Variants in RCSD1 observed in about 807,000 individuals in gnomAD.
The protein encoded by RCSD1 is RCSD domain containing 1.
In RCSD1, 26 loss-of-function variants were observed where a neutral mutation model predicts 42.5. That is an observed-to-expected ratio of 0.61 (90% CI 0.45 to 0.85). The LOEUF is 0.85. Among genes scored for constraint, RCSD1 ranks in the 40% least tolerant of loss-of-function variants. The pLI, the probability that RCSD1 is intolerant of heterozygous loss-of-function variation, is 0.00. For synonymous variants in RCSD1, 220 were observed against 212.2 expected (o/e 1.04, Z -0.32); for missense variants, 571 against 528.3 (o/e 1.08, Z -0.79).
intron 1 of RCSD1, chr1:167,640,458 T>A (rs2102197660): frequency 6.6e-6 from 1 of 152,364 alleles, no homozygotes; most frequent in South Asian, 2.1e-4. Flanking sequence ...CAGGATGATC[T>A]CTTCATCTCA....
intron 2 of RCSD1, among the ~76,000 whole-genome samples, chr1:167,684,894 A>C (rs1659186727): frequency 6.6e-6 from 1 of 152,114 alleles, no homozygotes; most frequent in Non-Finnish European, 1.5e-5. Flanking sequence ...AAATACAAAC[A>C]AGTGAGATGA....
At chr1:167,692,258 G>A (rs978630638) in intron 4 of RCSD1, among the ~76,000 whole-genome samples, 1 of 152,178 alleles carries the variant, frequency 6.6e-6, no homozygotes, top group African/African-American at 2.4e-5. Context: ...CTATTCTACT[G>A]AATGAATTAT....
At chr1:167,660,760 C>A (rs188999283) in intron 1 of RCSD1, among the ~76,000 whole-genome samples, 1 of 152,100 alleles carries the variant, frequency 6.6e-6, no homozygotes, top group East Asian at 1.9e-4. Context: ...AGGTGTGAGC[C>A]GCCGTGCCCA....
chr1:167,661,075 A>G (rs913006297), intron 1 of RCSD1, among the ~76,000 whole-genome samples: 2 of 152,172 alleles, frequency 1.3e-5, no homozygotes, highest in African/African-American at 4.8e-5. Flanking sequence ...GCCCCTAACC[A>G]CATTAAGTAA....
chr1:167,644,312 T>C (rs1658077118), intron 1 of RCSD1, among the ~76,000 whole-genome samples: 1 of 152,052 alleles, frequency 6.6e-6, no homozygotes, highest in East Asian at 1.9e-4. Context: ...AAACCCTTTC[T>C]CTACTGAAAA....
intron 1 of RCSD1, among the ~76,000 whole-genome samples, chr1:167,648,004 T>A (rs893701043): frequency 6.6e-6 from 1 of 152,180 alleles, no homozygotes; most frequent in Non-Finnish European, 1.5e-5. Flanking sequence ...GACAATCCTG[T>A]ATAATATAAC....
At chr1:167,633,254 G>A (rs1392892749) in intron 1 of RCSD1, among the ~76,000 whole-genome samples, 1 of 152,064 alleles carries the variant, frequency 6.6e-6, no homozygotes, top group African/African-American at 2.4e-5. Context: ...CCCAATAAAG[G>A]GACTATATCC....
chr1:167,692,025 T>C (rs1659389583), intron 4 of RCSD1, among the ~76,000 whole-genome samples: 1 of 152,252 alleles, frequency 6.6e-6, no homozygotes, highest in Admixed American at 6.5e-5. Context: ...CCAAATGTTC[T>C]GTACCCTGTA....
chr1:167,635,488 C>T lies in RCSD1; in HGVS notation c.6+5059C>T, dbSNP rs1258622698. 3.3e-5 allele frequency among the ~76,000 whole-genome samples: 5 copies of T among 152,136 alleles called. No individual in the cohort carries two copies. The South Asian group carries it at 6.2e-4, about 19-fold the overall frequency. On this transcript the variant is annotated intron_variant, in intron 1 of 6. Transcript: ENST00000367854. Reference sequence around the variant, plus strand: ...TGAATGTGCATTCCTGGAAAGGAGTCGGGTTTCAGAGCCTGATCCGCAGCG... The same window carrying T: ...TGAATGTGCATTCCTGGAAAGGAGTTGGGTTTCAGAGCCTGATCCGCAGCG...
At chr1:167,648,769 A>G (rs1428983951) in intron 1 of RCSD1, among the ~76,000 whole-genome samples, 2 of 152,224 alleles carry the variant, frequency 1.3e-5, no homozygotes, top group African/African-American at 4.8e-5. Context: ...ATGGAGGCAG[A>G]ACACCAGAGG....
intron 4 of RCSD1, among the ~76,000 whole-genome samples, chr1:167,690,734 C>T (rs530999421): frequency 6.6e-6 from 1 of 152,096 alleles, no homozygotes; most frequent in Admixed American, 6.5e-5. Flanking sequence ...GCCATAAACA[C>T]TTTGAAATAG....
intron 1 of RCSD1, among the ~76,000 whole-genome samples, chr1:167,651,428 G>A (rs1309826235): frequency 6.6e-6 from 1 of 152,190 alleles, no homozygotes; most frequent in African/African-American, 2.4e-5. Flanking sequence ...TAGAAAGAGT[G>A]TCCCAGGCAC....
In RCSD1 at chr1:167,708,101, G is replaced by A. The variant is rs1659800778; in HGVS notation, c.*3405G>A. On this transcript the variant is annotated 3_prime_UTR_variant, in exon 7 of 7. Coordinates refer to ENST00000367854, the MANE Select transcript of RCSD1 (RefSeq NM_052862.4). ...CCTGTAGAGGCTTTCCATAGGCCCT[G>A]TGTGACTCACGTGTCTATACCTGAA... Among the ~76,000 whole-genome samples, 8 of 152,296 alleles carry A rather than the reference G, an allele frequency of 5.3e-5. No individual in the cohort carries two copies. In the South Asian group the frequency reaches 1.7e-3, roughly 32 times the overall value.
chr1:167,681,232 G>T (rs556784055), intron 1 of RCSD1, among the ~76,000 whole-genome samples: 3 of 152,248 alleles, frequency 2.0e-5, no homozygotes. Flanking sequence ...AGTCTCAGGA[G>T]TTGGAGTCAG....
chr1:167,695,506 A>C (rs1659477634), intron 5 of RCSD1, among the ~76,000 whole-genome samples: 1 of 151,836 alleles, frequency 6.6e-6, no homozygotes, highest in Non-Finnish European at 1.5e-5. Flanking sequence ...CAGTGGGAAA[A>C]TAACATTTAC....
chr1:167,701,312 CTTTCTTTT>C lies in RCSD1; in HGVS notation c.1219-3348_1219-3341del, dbSNP rs1470915860. ...TCTTTCTTTCTTTCTTTCTTTCTTT[CTTTCTTTT>C]TTTTAGATGGAGTGTTGCTCTGTCA... is the stretch of plus-strand genomic sequence containing the variant. On this transcript the variant is annotated intron_variant, in intron 6 of 6. Transcript: ENST00000367854. 9.6e-4 allele frequency among the ~76,000 whole-genome samples: 132 copies of C among 137,830 alleles called. 1 individual carries two copies. The highest frequency in any genetic ancestry group is 5.0e-3 in the South Asian group (22 of 4,388). The allele number at this position is 137,830 out of a possible 152,430, so 90.4% of individuals were successfully genotyped here. A position where few individuals can be genotyped will look rare whatever the true frequency, so the allele number is the denominator to read the frequency against.
chr1:167,704,848 C>T lies in RCSD1; in HGVS notation c.*152C>T. ...CCTGAAGACACAGGGTGGATTATTT[C>T]CTGGCCTCCACACCAAACGTTCCCT... is the stretch of plus-strand genomic sequence containing the variant. On this transcript the variant is annotated 3_prime_UTR_variant, in exon 7 of 7. Transcript: ENST00000367854. The T allele has an allele frequency of 1.4e-6, 1 of 695,808 alleles. No homozygotes were observed. The highest frequency in any genetic ancestry group is 1.7e-5 in the South Asian group (1 of 58,612). The allele number at this position is 695,808 out of a possible 1,614,324, so 43.1% of individuals were successfully genotyped here.
chr1:167,703,936 G>C (rs1659699799), intron 6 of RCSD1, among the ~76,000 whole-genome samples: 1 of 151,980 alleles, frequency 6.6e-6, no homozygotes, highest in Non-Finnish European at 1.5e-5. Flanking sequence ...AGCCTTTTCT[G>C]ATTGCTCTGA....
chr1:167,688,344 G>T (rs184341923), intron 3 of RCSD1, among the ~76,000 whole-genome samples: 10 of 152,248 alleles, frequency 6.6e-5, no homozygotes, highest in Admixed American at 2.6e-4. Context: ...GTTTCTAAAA[G>T]TTTCTCTGAA....
Sources: allele counts gnomAD v4.1 joint callset (sites outside exome capture counted in the v4.1 genomes callset), GRCh38; gene constraint gnomAD v4.1.1; transcripts MANE v1.5; gene names NCBI Gene and HGNC (gene_info 2026-07-23, HGNC 2026-07-21).